The following ARHGEF11 variants were observed in gnomAD, a reference collection of about 807,000 sequenced individuals.
ARHGEF11 encodes Rho guanine exchange factor (GEF) 11.
In ARHGEF11, 55 loss-of-function variants were observed where a neutral mutation model predicts 193.7. The observed-to-expected ratio is 0.28, with a 90% confidence interval of 0.23 to 0.36. The LOEUF is 0.36. ARHGEF11 is among the 10% of genes least tolerant of loss of function. The pLI is 1.00. For missense variants in ARHGEF11, 1,723 were observed against 2,005.6 expected (o/e 0.86, Z 2.69); for synonymous variants, 693 against 768.0 (o/e 0.90, Z 1.62).
chr1:157,025,475 C>T (rs929009845), intron 1 of ARHGEF11, among the ~76,000 whole-genome samples: 1 of 152,192 alleles, frequency 6.6e-6, no homozygotes, highest in African/African-American at 2.4e-5. Flanking sequence ...ATCTGTGCTG[C>T]CAGCTAGTTA....
intron 4 of ARHGEF11, among the ~76,000 whole-genome samples, chr1:156,979,680 T>C (rs1039514819): frequency 6.6e-6 from 1 of 152,220 alleles, no homozygotes; most frequent in Non-Finnish European, 1.5e-5. Context: ...GCCATGTTTT[T>C]AGGAAGCCAT....
chr1:156,955,007 A>C, intron 20 of ARHGEF11, 86 bp from the exon 21 acceptor site: 1 of 1,218,354 alleles, frequency 8.2e-7, no homozygotes, highest in Non-Finnish European at 1.2e-6. Context: ...ACATCAAGCC[A>C]AAAAATTAAA....
At chr1:157,001,353 C>T (rs533333187) in intron 1 of ARHGEF11, among the ~76,000 whole-genome samples, 1 of 152,188 alleles carries the variant, frequency 6.6e-6, no homozygotes, top group African/African-American at 2.4e-5. Context: ...TGACAGAAGG[C>T]CAGCCAAGAG....
At chr1:157,028,648 G>A (rs1431626471) in intron 1 of ARHGEF11, among the ~76,000 whole-genome samples, 2 of 152,128 alleles carry the variant, frequency 1.3e-5, no homozygotes, top group Non-Finnish European at 2.9e-5. Context: ...AAATGACTTA[G>A]CTTAAAATTC....
At chr1:156,936,484 A>AAAAAAAAAT (rs1173029208) in intron 40 of ARHGEF11, among the ~76,000 whole-genome samples, 2 of 78,096 alleles carry the variant, frequency 2.6e-5, no homozygotes, top group African/African-American at 5.8e-5. Flanking sequence ...TAAATAGAAA[A>AAAAAAAAAT]AAAAAAAAAA....
intron 1 of ARHGEF11, among the ~76,000 whole-genome samples, chr1:157,036,196 A>AATAT (rs370355162): frequency 0.012 from 1,523 of 132,234 alleles, 10 homozygotes; most frequent in South Asian, 0.034. Flanking sequence ...TACATATATG[A>AATAT]ATATATATAC....
intron 1 of ARHGEF11, among the ~76,000 whole-genome samples, chr1:156,988,294 C>T (rs561873611): frequency 1.3e-5 from 2 of 152,326 alleles, no homozygotes; most frequent in Non-Finnish European, 2.9e-5. Flanking sequence ...GGGCTCAGTC[C>T]TATTCTTGGT....
At chr1:156,992,201 C>A (rs545919082) in intron 1 of ARHGEF11, among the ~76,000 whole-genome samples, 8 of 152,258 alleles carry the variant, frequency 5.3e-5, no homozygotes, top group African/African-American at 1.9e-4. Flanking sequence ...TATACATATT[C>A]TTATTTTCCT....
intron 28 of ARHGEF11, 113 bp downstream of exon 28, chr1:156,946,549 G>A: frequency 6.9e-7 from 1 of 1,448,374 alleles, no homozygotes; most frequent in South Asian, 1.2e-5. Flanking sequence ...GTGTCGAAGG[G>A]TAGAGGGAGT....
chr1:157,044,540 C>G lies in ARHGEF11; in HGVS notation c.-210G>C, dbSNP rs1403538929. The G allele has an allele frequency of 2.3e-6, 1 of 441,870 alleles. No homozygotes were observed. The highest frequency in any genetic ancestry group is 4.0e-6 in the Non-Finnish European group (1 of 248,262). The allele number at this position is 441,870 out of a possible 1,614,324, so 27.4% of individuals were successfully genotyped here. A position where few individuals can be genotyped will look rare whatever the true frequency, so the allele number is the denominator to read the frequency against. ...ATTTCCTTTCTCAGCCCCTCTTCCCCTCCCCCGCTTTAAAAAAAAAGAAAA... is the reference window on the plus strand; with the variant it reads ...ATTTCCTTTCTCAGCCCCTCTTCCCGTCCCCCGCTTTAAAAAAAAAGAAAA... On this transcript the variant is annotated 5_prime_UTR_variant, in exon 1 of 41. Transcript: ENST00000368194.
In ARHGEF11 at chr1:156,948,193, T is replaced by C; in HGVS notation, c.2141A>G (p.Lys714Arg). The change falls in exon 24 of 41, where the codon AAA (lysine) becomes AGA (arginine). Residue 714 changes from lysine to arginine, a missense_variant. This residue lies in a region of ARHGEF11 where 491 missense variants were observed against 654.5 expected (regional missense o/e 0.75). Transcript: ENST00000368194. The surrounding 1 kb of genome is among the most constrained non-coding windows in gnomAD (Gnocchi z 4.2). ...GCCCATCACTTACCTGCGGCCCATT[T>C]TGGGAGTGAATGGAGGGGTTGGGTT... ...LENPTPPFTPKMGRRSIESPS... is the reference protein window; with the variant it reads ...LENPTPPFTPRMGRRSIESPS... 1 of 1,571,664 alleles carries C rather than the reference T, an allele frequency of 6.4e-7. No individual in the cohort carries two copies. Among genetic ancestry groups the C allele is most frequent in the Non-Finnish European group, 8.6e-7 (1 of 1,156,824 alleles).
intron 6 of ARHGEF11, 43 bp from the exon 7 acceptor site, chr1:156,977,097 TCAACAG>T: frequency 4.5e-6 from 7 of 1,550,694 alleles, no homozygotes; most frequent in Non-Finnish European, 6.2e-6. Context: ...AGGGACTAAC[TCAACAG>T]CTTAGCTCTC....
rs760159314 is a variant in ARHGEF11, at chr1:156,948,302, G to A, written c.2105+17C>T. ...CCCTGAGATGTCCATGGGTGCAGCC[G>A]TTGTAGCCCTGCCCACCTGGTGGAG... On this transcript the variant is annotated intron_variant, in intron 23 of 40. Coordinates refer to ENST00000368194, the MANE Select transcript of ARHGEF11 (RefSeq NM_198236.3). This position sits in a 1 kb window ranked among gnomAD's most constrained non-coding sequence, Gnocchi z 4.2. 1.7e-5 allele frequency: 27 copies of A among 1,613,040 alleles called. No individual in the cohort carries two copies. The highest frequency in any genetic ancestry group is 4.4e-5 in the South Asian group (4 of 91,062).
intron 14 of ARHGEF11, among the ~76,000 whole-genome samples, chr1:156,960,684 G>A (rs1660699646): frequency 6.6e-6 from 1 of 152,174 alleles, no homozygotes; most frequent in Non-Finnish European, 1.5e-5. Flanking sequence ...TATATTCTGA[G>A]GGCGGCACAG....
At chr1:157,004,726 A>C (rs1667615164) in intron 1 of ARHGEF11, among the ~76,000 whole-genome samples, 1 of 152,200 alleles carries the variant, frequency 6.6e-6, no homozygotes, top group African/African-American at 2.4e-5. Flanking sequence ...AGCTGAAAAA[A>C]ACTTTCACAG....
At chr1:156,999,319 C>T (rs1666931821) in intron 1 of ARHGEF11, among the ~76,000 whole-genome samples, 1 of 152,134 alleles carries the variant, frequency 6.6e-6, no homozygotes, top group South Asian at 2.1e-4. Flanking sequence ...AGAGCCAGGA[C>T]ACAAGTTCAA....
chr1:157,014,039 A>T (rs983503667), intron 1 of ARHGEF11, among the ~76,000 whole-genome samples: 1 of 152,176 alleles, frequency 6.6e-6, no homozygotes, highest in African/African-American at 2.4e-5. Flanking sequence ...GTGATCTAAC[A>T]TGCAGATTCA....
intron 1 of ARHGEF11, among the ~76,000 whole-genome samples, chr1:157,016,033 C>T (rs775727821): frequency 2.0e-5 from 3 of 151,832 alleles, no homozygotes; most frequent in Non-Finnish European, 4.4e-5. Flanking sequence ...GATTTTAATC[C>T]GTAATGAAAC....
At chr1:157,026,183 C>G (rs950679167) in intron 1 of ARHGEF11, among the ~76,000 whole-genome samples, 11 of 152,330 alleles carry the variant, frequency 7.2e-5, no homozygotes, top group Non-Finnish European at 5.9e-5. Flanking sequence ...AGTTTTGCAT[C>G]TGCCTGTTCT....
Sources: allele counts gnomAD v4.1 joint callset (sites outside exome capture counted in the v4.1 genomes callset), GRCh38; gene constraint gnomAD v4.1.1; regional missense constraint gnomAD v4.1.1; non-coding constraint Gnocchi (gnomAD v3.1); transcripts MANE v1.5; gene names NCBI Gene and HGNC (gene_info 2026-07-23, HGNC 2026-07-21).